GOLPH3: variants seen among roughly 807,000 people sequenced by gnomAD.
GOLPH3 encodes coat protein GPP34.
GOLPH3 carries 14 observed loss-of-function variants against 28.5 expected under a neutral mutation model. The ratio of observed to expected loss-of-function variants is 0.49; its 90% CI spans 0.32 to 0.77. The LOEUF (loss-of-function observed/expected upper bound fraction) is 0.77, where lower values mean the gene tolerates loss of function less well. Ranked by LOEUF, GOLPH3 falls within the 30% of genes least tolerant of loss-of-function variation. The pLI is 0.03. For synonymous variants in GOLPH3, 158 were observed against 159.2 expected, an observed-to-expected ratio of 0.99 and a Z score of 0.06; for missense variants, 350 against 393.7, an observed-to-expected ratio of 0.89 and a Z score of 0.94.
At chr5:32,150,489 G>A (rs556073269) in intron 1 of GOLPH3, among the ~76,000 whole-genome samples, 1 of 148,498 alleles carries the variant, frequency 6.7e-6, no homozygotes, top group South Asian at 2.1e-4. Context: ...AGAAATGAAA[G>A]CTGTCCTACT....
Position 32,133,923 on chromosome 5 carries a change from G to A in GOLPH3, c.472+1649C>T, listed in dbSNP as rs976693496. Among the ~76,000 whole-genome samples, 4 of 152,138 alleles carry A rather than the reference G, an allele frequency of 2.6e-5. No individual in the cohort carries two copies. The East Asian group carries it at 7.7e-4, about 29-fold the overall frequency. The stretch of plus-strand genomic sequence containing the variant: ...GAGATAAAAAGGAAAATTATCAGAG[G>A]TAGAAGAGGGTTATCCAACAAAAAT... On this transcript the variant is annotated intron_variant, in intron 3 of 3. Coordinates refer to ENST00000265070, the MANE Select transcript of GOLPH3 (RefSeq NM_022130.4).
chr5:32,171,627 ATAATAAT>A (rs1180737588), intron 1 of GOLPH3, among the ~76,000 whole-genome samples: 1 of 151,812 alleles, frequency 6.6e-6, no homozygotes, highest in African/African-American at 2.4e-5. Context: ...TAAAATGTCT[ATAATAAT>A]GTTATTTTTG....
intron 3 of GOLPH3, among the ~76,000 whole-genome samples, chr5:32,135,013 C>G (rs1183576288): frequency 6.6e-6 from 1 of 152,256 alleles, no homozygotes; most frequent in Non-Finnish European, 1.5e-5. Flanking sequence ...GGTTGCACTT[C>G]CCTGTCTCCT....
chr5:32,158,174 C>CACACTG (rs1491510840), intron 1 of GOLPH3, among the ~76,000 whole-genome samples: 5 of 139,202 alleles, frequency 3.6e-5, no homozygotes, highest in Middle Eastern at 3.9e-3. Flanking sequence ...CACACACACA[C>CACACTG]GGCAAAATCA....
intron 1 of GOLPH3, among the ~76,000 whole-genome samples, chr5:32,157,862 A>G (rs1345931348): frequency 6.6e-6 from 1 of 151,930 alleles, no homozygotes; most frequent in East Asian, 1.9e-4. Context: ...CTGTAATCCC[A>G]GCTACTTGGG....
chr5:32,139,239 T>C (rs140447544), intron 2 of GOLPH3, among the ~76,000 whole-genome samples: 1 of 152,354 alleles, frequency 6.6e-6, no homozygotes, highest in East Asian at 1.9e-4. Context: ...AACAATTGTT[T>C]ATACAGCATT....
intron 1 of GOLPH3, among the ~76,000 whole-genome samples, chr5:32,152,433 C>CTTT (rs146250761): frequency 7.8e-6 from 1 of 127,592 alleles, no homozygotes; most frequent in Non-Finnish European, 1.6e-5. Flanking sequence ...CCCCCCCAGC[C>CTTT]TTTTTTTTTT....
chr5:32,151,987 A>G (rs1746317991), intron 1 of GOLPH3, among the ~76,000 whole-genome samples: 1 of 152,214 alleles, frequency 6.6e-6, no homozygotes, highest in South Asian at 2.1e-4. Flanking sequence ...TTTAATGGAT[A>G]GAGTTTCGGT....
intron 2 of GOLPH3, among the ~76,000 whole-genome samples, chr5:32,141,364 T>C (rs6867039): frequency 4.6e-5 from 7 of 152,108 alleles, no homozygotes; most frequent in Non-Finnish European, 1.0e-4. Context: ...GTATTAAATA[T>C]TTGAGATTGA....
Position 32,173,804 on chromosome 5 carries a change from C to G in GOLPH3, c.225+6G>C. The G allele has an allele frequency of 7.1e-7, 1 of 1,417,796 alleles. No individual in the cohort carries two copies. 87.8% of individuals were successfully genotyped at this position (1,417,796 alleles called of 1,614,324 possible). ...CCGCCCCCCGCCCAGCCCGCCGCGC[C>G]CGCACCTCGCGGTCCTTGAGGCCCA... is the stretch of plus-strand genomic sequence containing the variant. On this transcript the variant is annotated splice_donor_region_variant and intron_variant, in intron 1 of 3. Transcript: ENST00000265070.
intron 1 of GOLPH3, among the ~76,000 whole-genome samples, chr5:32,156,692 T>C (rs1354169471): frequency 6.6e-6 from 1 of 152,102 alleles, no homozygotes; most frequent in Non-Finnish European, 1.5e-5. Flanking sequence ...CTCATAAGGA[T>C]CGCCTACCTT....
chr5:32,130,364 A>T (rs1176248240), intron 3 of GOLPH3, among the ~76,000 whole-genome samples: 1 of 152,240 alleles, frequency 6.6e-6, no homozygotes, highest in Non-Finnish European at 1.5e-5. Flanking sequence ...AAGCCTATTT[A>T]AAAAACTACA....
At chr5:32,157,934 G>A (rs981846580) in intron 1 of GOLPH3, among the ~76,000 whole-genome samples, 1 of 150,730 alleles carries the variant, frequency 6.6e-6, no homozygotes, top group African/African-American at 2.5e-5. Context: ...CCGAGATCAC[G>A]CCATTGTACT....
chr5:32,134,523 A>ATT (rs1745892329), intron 3 of GOLPH3, among the ~76,000 whole-genome samples: 1 of 151,284 alleles, frequency 6.6e-6, no homozygotes, highest in Non-Finnish European at 1.5e-5. Flanking sequence ...AATAAAATAA[A>ATT]AAAAAAAAAA....
chr5:32,131,181 A>C (rs376396852), intron 3 of GOLPH3, among the ~76,000 whole-genome samples: 2 of 152,242 alleles, frequency 1.3e-5, no homozygotes, highest in East Asian at 3.8e-4. Flanking sequence ...TATTAGAGAA[A>C]AATAAAGAAA....
chr5:32,164,117 A>G (rs1049894573), intron 1 of GOLPH3, among the ~76,000 whole-genome samples: 1 of 152,208 alleles, frequency 6.6e-6, no homozygotes, highest in Admixed American at 6.5e-5. Flanking sequence ...AGTATGCTAA[A>G]ATTGTTCCTC....
At chr5:32,157,095 G>A (rs910290404) in intron 1 of GOLPH3, among the ~76,000 whole-genome samples, 4 of 152,198 alleles carry the variant, frequency 2.6e-5, no homozygotes, top group African/African-American at 9.7e-5. Context: ...GTAACAGCCA[G>A]GGCCCTCAGG....
intron 3 of GOLPH3, among the ~76,000 whole-genome samples, chr5:32,135,209 C>A (rs1462659535): frequency 6.6e-6 from 1 of 152,188 alleles, no homozygotes; most frequent in Non-Finnish European, 1.5e-5. Flanking sequence ...ATGAGGTAGC[C>A]TGTGACTGAC....
intron 2 of GOLPH3, among the ~76,000 whole-genome samples, chr5:32,142,355 C>A (rs1157830931): frequency 1.4e-5 from 2 of 148,044 alleles, no homozygotes; most frequent in African/African-American, 5.1e-5. Flanking sequence ...AAGTGAGGAG[C>A]CCCTCCGCCC....
Sources: allele counts gnomAD v4.1 joint callset (sites outside exome capture counted in the v4.1 genomes callset), GRCh38; gene constraint gnomAD v4.1.1; transcripts MANE v1.5; gene names NCBI Gene and HGNC (gene_info 2026-07-23, HGNC 2026-07-21).